Variants in ERCC3 observed in about 807,000 individuals in gnomAD.
ERCC3 encodes ERCC excision repair 3, TFIIH core complex helicase subunit.
In ERCC3, 66 loss-of-function variants were observed where a neutral mutation model predicts 94.2. The ratio of observed to expected loss-of-function variants is 0.70; its 90% CI spans 0.57 to 0.86. The LOEUF (loss-of-function observed/expected upper bound fraction) is 0.86, where lower values mean the gene tolerates loss of function less well. Ranked by LOEUF, ERCC3 falls within the 40% of genes least tolerant of loss-of-function variation. The pLI, the probability that ERCC3 is intolerant of heterozygous loss-of-function variation, is 0.00. For synonymous variants in ERCC3, 349 were observed against 369.1 expected (o/e 0.95, Z 0.63); for missense variants, 829 against 987.1 (o/e 0.84, Z 2.15).
At position 127,289,699 on chromosome 2, in the gene ERCC3, C is replaced by T. The variant is rs1337069381; in HGVS notation, c.647G>A (p.Ser216Asn). Residue 216 changes from serine (S) to asparagine (N), a missense_variant, in exon 5 of 15, where the codon AGC becomes AAC. By Grantham distance (46) the Ser-to-Asn change is conservative. Transcript: ENST00000285398. The stretch of plus-strand genomic sequence containing the variant: ...CAGGAGTCCACATACGGCAGATTTG[C>T]TTGTGAAAGTCTCTGTGATGAGCTC... ...ATELITETFT[S>N]KSAISKTAES... The T allele has an allele frequency of 6.2e-7, 1 of 1,614,022 alleles. No homozygotes were observed. Among genetic ancestry groups the T allele is most frequent in the African/African-American group, 1.3e-5 (1 of 74,896 alleles).
In ERCC3 at chr2:127,263,473, T is replaced by C. The variant is rs549835446; in HGVS notation, c.1946-2127A>G. On this transcript the variant is annotated intron_variant, in intron 12 of 14. Coordinates refer to ENST00000285398, the MANE Select transcript of ERCC3 (RefSeq NM_000122.2). ...GCTACTGATTTTTGTACATTGATTTTGAATTCCGAAACTTTACTCAAGTTG... is the reference window on the plus strand; with the variant it reads ...GCTACTGATTTTTGTACATTGATTTCGAATTCCGAAACTTTACTCAAGTTG... 3.3e-5 allele frequency among the ~76,000 whole-genome samples: 5 copies of C among 152,332 alleles called. No individual in the cohort carries two copies. In the South Asian group the frequency reaches 1.0e-3, roughly 32 times the overall value.
chr2:127,273,126 C>A (rs1378132569), intron 10 of ERCC3, among the ~76,000 whole-genome samples, 165 bp from the exon 11 acceptor site: 1 of 152,182 alleles, frequency 6.6e-6, no homozygotes, highest in East Asian at 1.9e-4. Context: ...AGATGCACCT[C>A]CCAGCCTTCC....
intron 12 of ERCC3, among the ~76,000 whole-genome samples, chr2:127,270,700 G>A (rs887525855): frequency 1.3e-5 from 2 of 152,076 alleles, no homozygotes; most frequent in African/African-American, 4.8e-5. Flanking sequence ...AGACAGACAC[G>A]GCCATCTCTT....
At chr2:127,272,989 C>T (rs776528698) in intron 10 of ERCC3, 28 bp from the exon 11 acceptor site, 16 of 1,371,130 alleles carry the variant, frequency 1.2e-5, no homozygotes, top group Non-Finnish European at 1.3e-5. Context: ...TGTGTTAGAC[C>T]ACAGAATAAT....
chr2:127,282,169 G>A (rs1277714340), intron 8 of ERCC3, among the ~76,000 whole-genome samples: 1 of 152,084 alleles, frequency 6.6e-6, no homozygotes, highest in Non-Finnish European at 1.5e-5. Flanking sequence ...TCTCTCCCCT[G>A]ACCCCTTCTG....
In ERCC3 at chr2:127,272,782, A is replaced by AT. The variant is rs1368028544; in HGVS notation, c.1827+82dup. 1.4e-4 allele frequency: 125 copies of AT among 879,814 alleles called. No individual in the cohort carries two copies. In the East Asian group the frequency reaches 3.1e-3, roughly 22 times the overall value. The allele number at this position is 879,814 out of a possible 1,614,324, so 54.5% of individuals were successfully genotyped here. ...GGAGAAGTTCCTTCAGCAGACATGAATTCACTGTCCAGGAATCATAGTGTA... is the reference window on the plus strand; with the variant it reads ...GGAGAAGTTCCTTCAGCAGACATGAATTTCACTGTCCAGGAATCATAGTGTA... On this transcript the variant is annotated intron_variant, in intron 11 of 14. Transcript: ENST00000285398.
chr2:127,272,007 C>CTTTT (rs59921131), intron 11 of ERCC3, among the ~76,000 whole-genome samples: 33 of 63,050 alleles, frequency 5.2e-4, no homozygotes, highest in Non-Finnish European at 5.9e-4. Flanking sequence ...AATCTCATTT[C>CTTTT]TTTTTTTTTT....
rs1558945124 is a variant in ERCC3 at position 127,257,767 on chromosome 2, A to G, written c.2218-40T>C. 1 of 1,612,992 alleles carries G rather than the reference A, an allele frequency of 6.2e-7. No individual in the cohort carries two copies. Among genetic ancestry groups the G allele is most frequent in the East Asian group, 2.2e-5 (1 of 44,880 alleles). On this transcript the variant is annotated intron_variant, in intron 14 of 14. Coordinates refer to ENST00000285398, the MANE Select transcript of ERCC3 (RefSeq NM_000122.2). This position sits in a 1 kb window ranked among gnomAD's most constrained non-coding sequence, Gnocchi z 5.4. ...GAACCAGCCCATGTTAGTCTCCAGA[A>G]GAAAAGATACTCCTTTTATAATACT...
At chr2:127,276,486 G>A (rs1287972245) in intron 10 of ERCC3, among the ~76,000 whole-genome samples, 2 of 152,032 alleles carry the variant, frequency 1.3e-5, no homozygotes, top group Admixed American at 6.6e-5. Flanking sequence ...CAAAGCCTCC[G>A]AGAAGACACT....
Position 127,257,575 on chromosome 2 carries a change from A to G in ERCC3, c.*21T>C, listed in dbSNP as rs1232744811. 6.2e-7 allele frequency: 1 copy of G among 1,613,118 alleles called. No homozygotes were observed. The highest frequency in any genetic ancestry group is 1.1e-5 in the South Asian group (1 of 91,030). The stretch of plus-strand genomic sequence containing the variant: ...CAAGGGTGCCAAGCGCCGGTCTTGA[A>G]CGAAGTACCCTGCCTAAGCATCATT... On this transcript the variant is annotated 3_prime_UTR_variant, in exon 15 of 15. Transcript: ENST00000285398. The surrounding 1 kb of genome is among the most constrained non-coding windows in gnomAD (Gnocchi z 5.4).
At chr2:127,275,997 G>C (rs1376214077) in intron 10 of ERCC3, among the ~76,000 whole-genome samples, 4 of 152,220 alleles carry the variant, frequency 2.6e-5, no homozygotes, top group African/African-American at 9.6e-5. Flanking sequence ...GACTGGCAGT[G>C]TGTGAGTGTG....
rs1346921653 is a variant in ERCC3 at position 127,264,965 on chromosome 2, A to G, written c.1946-3619T>C. Among the ~76,000 whole-genome samples, 1 of 151,478 alleles carries G rather than the reference A, an allele frequency of 6.6e-6. No individual in the cohort carries two copies. The highest frequency in any genetic ancestry group is 1.5e-5 in the Non-Finnish European group (1 of 67,964). On this transcript the variant is annotated intron_variant, in intron 12 of 14. Transcript: ENST00000285398. This position sits in a 1 kb window ranked among gnomAD's most constrained non-coding sequence, Gnocchi z 4.4. ...AGGGTTTAAGCAATTCTCCTGCCTC[A>G]GCCTTCCACGTGGATGGAATTACAG...
At chr2:127,290,415 A>T in intron 3 of ERCC3, 142 bp from the exon 4 acceptor site, 1 of 739,292 alleles carries the variant, frequency 1.4e-6, no homozygotes, top group Non-Finnish European at 2.5e-6. Context: ...TAAAGTGGTC[A>T]GATGTGCCTA....
At chr2:127,292,274 TG>T in intron 3 of ERCC3, 1 of 427,102 alleles carries the variant, frequency 2.3e-6, no homozygotes, top group South Asian at 2.1e-5. Context: ...ACACTCACTT[TG>T]GGCTGCATTT....
At chr2:127,285,953 G>A (rs781391672) in intron 8 of ERCC3, among the ~76,000 whole-genome samples, 10 of 151,464 alleles carry the variant, frequency 6.6e-5, no homozygotes, top group African/African-American at 9.7e-5. Flanking sequence ...GTGATTTTAT[G>A]GTATATAAAT....
Position 127,258,651 on chromosome 2 carries a change from T to G in ERCC3, c.2217+645A>C, listed in dbSNP as rs953123743. On this transcript the variant is annotated intron_variant, in intron 14 of 14. Transcript: ENST00000285398. The surrounding 1 kb of genome is among the most constrained non-coding windows in gnomAD (Gnocchi z 4.1). ...CTTCCGGCTCTAATGGCAACTGAAT[T>G]TCAAACGCACCTGACTGAAGTGCAC... 1.3e-5 allele frequency among the ~76,000 whole-genome samples: 2 copies of G among 152,140 alleles called. No homozygotes were observed. The highest frequency in any genetic ancestry group is 2.9e-5 in the Non-Finnish European group (2 of 68,030).
chr2:127,288,379 C>T (rs1413439294), intron 7 of ERCC3, among the ~76,000 whole-genome samples: 1 of 152,220 alleles, frequency 6.6e-6, no homozygotes, highest in African/African-American at 2.4e-5. Flanking sequence ...TAGCACCACC[C>T]AAGGTTGTAC....
intron 2 of ERCC3, 115 bp downstream of exon 2, chr2:127,293,398 C>T: frequency 1.0e-6 from 1 of 984,338 alleles, no homozygotes; most frequent in Non-Finnish European, 1.5e-6. Flanking sequence ...AAAATTCTCT[C>T]CCGGCCAGTT....
intron 10 of ERCC3, among the ~76,000 whole-genome samples, chr2:127,273,361 C>A (rs922849630): frequency 1.3e-5 from 2 of 152,194 alleles, no homozygotes; most frequent in Non-Finnish European, 2.9e-5. Context: ...AAGACACAGG[C>A]ATGCTCCAAG....
Sources: allele counts gnomAD v4.1 joint callset (sites outside exome capture counted in the v4.1 genomes callset), GRCh38; gene constraint gnomAD v4.1.1; non-coding constraint Gnocchi (gnomAD v3.1); transcripts MANE v1.5; gene names NCBI Gene and HGNC (gene_info 2026-07-23, HGNC 2026-07-21).